SHTN1: variants seen among roughly 807,000 people sequenced by gnomAD.
SHTN1 encodes shootin-1.
Under a neutral mutation model 83.1 loss-of-function variants are expected in SHTN1, and 42 were observed. The ratio of observed to expected loss-of-function variants is 0.51; its 90% CI spans 0.39 to 0.65. The LOEUF is 0.65. Among genes scored for constraint, SHTN1 ranks in the 30% least tolerant of loss-of-function variants. The pLI, the probability that SHTN1 is intolerant of heterozygous loss-of-function variation, is 0.00. For synonymous variants in SHTN1, 224 were observed against 247.7 expected (o/e 0.90, Z 0.90); for missense variants, 622 against 737.8 (o/e 0.84, Z 1.82).
chr10:117,123,213 G>C (rs879928697), intron 1 of SHTN1, among the ~76,000 whole-genome samples: 3 of 152,128 alleles, frequency 2.0e-5, no homozygotes, highest in Non-Finnish European at 2.9e-5. Context: ...TGTTGGTCAG[G>C]CTGGTCTCAA....
chr10:117,007,784 G>C (rs900232237), upstream of SHTN1, among the ~76,000 whole-genome samples: 1 of 151,656 alleles, frequency 6.6e-6, no homozygotes, highest in Non-Finnish European at 1.5e-5. Context: ...AGGCCGAGGC[G>C]GGCAGATCAC....
intron 3 of SHTN1, among the ~76,000 whole-genome samples, chr10:116,965,911 C>A (rs1487607113): frequency 6.6e-6 from 1 of 152,200 alleles, no homozygotes; most frequent in Non-Finnish European, 1.5e-5. Flanking sequence ...CCTTCCAAAT[C>A]TGAAATTCTA....
rs556286641 is a variant in SHTN1 at position 117,087,582 on chromosome 10, C to G, written c.-189+38725G>C. Among the ~76,000 whole-genome samples, 15 of 151,880 alleles carry G rather than the reference C, an allele frequency of 9.9e-5. No homozygotes were observed. In the South Asian group the frequency reaches 3.1e-3, roughly 32 times the overall value. On this transcript the variant is annotated intron_variant, in intron 1 of 17. Transcript: ENST00000392901. ...ATTTCATATCATACATAGAAATCAA[C>G]AAAAAGTAGATTAAGATTTTAATGG...
At position 116,890,623 on chromosome 10, in the gene SHTN1, C is replaced by T. The variant is rs572051176; in HGVS notation, c.1674-4057G>A. On this transcript the variant is annotated intron_variant, in intron 16 of 16. Transcript: ENST00000355371. ...AAACCAAAAAGCAAAATAAAAGCTA[C>T]GAGAAATATACCAAGTTATGCCACT... is the stretch of plus-strand genomic sequence containing the variant. 5.9e-5 allele frequency among the ~76,000 whole-genome samples: 9 copies of T among 152,332 alleles called. No homozygotes were observed. The East Asian group carries it at 1.3e-3, about 23-fold the overall frequency.
At chr10:117,019,141 TA>T (rs1177092916) in intron 2 of SHTN1, among the ~76,000 whole-genome samples, 4 of 151,940 alleles carry the variant, frequency 2.6e-5, no homozygotes, top group African/African-American at 7.2e-5. Context: ...ACTGAAATTT[TA>T]AAAAAGATTC....
intron 9 of SHTN1, among the ~76,000 whole-genome samples, chr10:116,934,983 T>C (rs1469950851): frequency 6.6e-6 from 1 of 152,316 alleles, no homozygotes; most frequent in East Asian, 1.9e-4. Context: ...TATGGATGTA[T>C]AGGAAGCTTG....
chr10:116,883,651 T>C lies in SHTN1; in HGVS notation c.*2693A>G, dbSNP rs1288793860. 6.6e-6 allele frequency: 1 copy of C among 152,568 alleles called. No homozygotes were observed. Among genetic ancestry groups the C allele is most frequent in the Admixed American group, 6.5e-5 (1 of 15,326 alleles). 9.5% of individuals were successfully genotyped at this position (152,568 alleles called of 1,614,324 possible). On this transcript the variant is annotated 3_prime_UTR_variant, in exon 17 of 17. Coordinates refer to ENST00000355371, the MANE Select transcript of SHTN1 (RefSeq NM_001127211.3). ...GTCTGGAAAGACAATTAAAAATAAT[T>C]GTTACCTGTACTACTCCATTTCCAG...
intron 12 of SHTN1, 47 bp from the exon 13 acceptor site, chr10:116,915,531 A>G (rs1848354419): frequency 9.5e-7 from 1 of 1,047,650 alleles, no homozygotes; most frequent in South Asian, 1.4e-5. Flanking sequence ...ACAAGAAAAC[A>G]GCTACTTCCT....
At chr10:116,960,707 G>A (rs933276801) in intron 3 of SHTN1, among the ~76,000 whole-genome samples, 2 of 152,086 alleles carry the variant, frequency 1.3e-5, no homozygotes, top group African/African-American at 2.4e-5. Flanking sequence ...GTGATGTGGC[G>A]ACTTGGCTAA....
rs199958951 is a variant in SHTN1, at chr10:116,886,384, C to T, written c.1856G>A (p.Ser619Asn). 4 of 1,564,850 alleles carry T rather than the reference C, an allele frequency of 2.6e-6. No homozygotes were observed. The highest frequency in any genetic ancestry group is 1.9e-5 in the Admixed American group (1 of 51,970). The change falls in exon 17 of 17, where the codon AGC (serine) becomes AAC (asparagine). Residue 619 changes from serine to asparagine, a missense_variant. Transcript: ENST00000355371. ...GEIQPENKEDSIENVRETDSS... is the reference protein window; with the variant it reads ...GEIQPENKEDNIENVRETDSS... ...GTCTGTCTCTCTCACGTTTTCAATGCTGTCTTCTTTGTTTTCTGGTTGAAT... is the reference window on the plus strand; with the variant it reads ...GTCTGTCTCTCTCACGTTTTCAATGTTGTCTTCTTTGTTTTCTGGTTGAAT...
chr10:116,925,841 C>CT (rs1436430413), intron 11 of SHTN1, among the ~76,000 whole-genome samples: 2 of 151,182 alleles, frequency 1.3e-5, no homozygotes, highest in Non-Finnish European at 3.0e-5. Context: ...AGGCCCTAGT[C>CT]TTTTTTTTTC....
rs149602037 is a variant in SHTN1, at chr10:116,983,007, G to A, written c.59-3699C>T. ...TGAATCTGACCAATTCTCAGCATAT[G>A]AAAGATAGCTGCAGCTTGAGAGCTC... On this transcript the variant is annotated intron_variant, in intron 1 of 16. Coordinates refer to ENST00000355371, the MANE Select transcript of SHTN1 (RefSeq NM_001127211.3). Among the ~76,000 whole-genome samples, 973 of 152,004 alleles carry A rather than the reference G, an allele frequency of 6.4e-3. 2 individuals are homozygous for A. The highest frequency in any genetic ancestry group is 9.7e-3 in the Non-Finnish European group (657 of 67,964).
At chr10:117,084,413 G>A (rs1352663903) in intron 1 of SHTN1, among the ~76,000 whole-genome samples, 17 of 152,322 alleles carry the variant, frequency 1.1e-4, no homozygotes, top group East Asian at 1.9e-4. Context: ...CTCCAGCTGC[G>A]TACTGGGAGA....
intron 1 of SHTN1, among the ~76,000 whole-genome samples, chr10:117,065,801 G>A (rs866668258): frequency 5.5e-4 from 19 of 34,538 alleles, no homozygotes; most frequent in East Asian, 1.5e-3. Flanking sequence ...AGGAAGGAAG[G>A]AAGGAAGGAA....
chr10:116,924,746 A>AT (rs201343735), intron 11 of SHTN1, among the ~76,000 whole-genome samples: 37 of 89,530 alleles, frequency 4.1e-4, no homozygotes, highest in South Asian at 8.7e-4. Context: ...ATTTTCACCT[A>AT]TTTTTTTTTT....
chr10:117,020,955 A>G (rs930288058), intron 2 of SHTN1, among the ~76,000 whole-genome samples: 4 of 152,212 alleles, frequency 2.6e-5, no homozygotes, highest in African/African-American at 9.6e-5. Flanking sequence ...CAATAATAAT[A>G]CAACTCAGTA....
intron 2 of SHTN1, among the ~76,000 whole-genome samples, chr10:117,018,395 A>AG (rs1322299156): frequency 9.4e-5 from 7 of 74,408 alleles, no homozygotes; most frequent in Admixed American, 9.3e-4. Flanking sequence ...CAATAGATTT[A>AG]GAAAAAAAGC....
chr10:117,114,088 C>T (rs1853809057), intron 1 of SHTN1, among the ~76,000 whole-genome samples: 2 of 152,044 alleles, frequency 1.3e-5, no homozygotes, highest in South Asian at 4.1e-4. Context: ...AATGGTGTGC[C>T]CCTCCAGCTA....
At chr10:117,089,439 T>G (rs1853397512) in intron 1 of SHTN1, among the ~76,000 whole-genome samples, 1 of 152,102 alleles carries the variant, frequency 6.6e-6, no homozygotes, top group African/African-American at 2.4e-5. Flanking sequence ...TATAAAAAAT[T>G]AACTCAAAAT....
Sources: allele counts gnomAD v4.1 joint callset (sites outside exome capture counted in the v4.1 genomes callset), GRCh38; gene constraint gnomAD v4.1.1; transcripts MANE v1.5; gene names NCBI Gene and HGNC (gene_info 2026-07-23, HGNC 2026-07-21).